The following CALN1 variants were observed in gnomAD, a reference collection of about 807,000 sequenced individuals.
CALN1 encodes calneuron 1.
Under a neutral mutation model 30.6 loss-of-function variants are expected in CALN1, and 17 were observed. That is an observed-to-expected ratio of 0.56 (90% confidence interval 0.38 to 0.83). The LOEUF (loss-of-function observed/expected upper bound fraction) is 0.83, where lower values mean the gene tolerates loss of function less well. Among genes scored for constraint, CALN1 ranks in the 40% least tolerant of loss-of-function variants. The probability of loss-of-function intolerance (pLI) is 0.00; values close to 1 mark genes in which losing one functional copy is unlikely to be tolerated. For missense variants in CALN1, 291 were observed against 354.9 expected (o/e 0.82, Z 1.45); for synonymous variants, 156 against 131.4 (o/e 1.19, Z -1.28).
chr7:71,789,652 A>G (rs1793201154), intron 6 of CALN1, among the ~76,000 whole-genome samples: 1 of 152,110 alleles, frequency 6.6e-6, no homozygotes. Flanking sequence ...CCACGGCCCC[A>G]CAGGGTTTAC....
intron 3 of CALN1, among the ~76,000 whole-genome samples, chr7:72,234,335 C>G (rs1427886352): frequency 1.3e-5 from 2 of 152,132 alleles, no homozygotes; most frequent in African/African-American, 4.8e-5. Context: ...AAAGTACCTC[C>G]CACAGTCTAG....
chr7:71,958,812 T>C (rs1367581967), intron 5 of CALN1, among the ~76,000 whole-genome samples: 1 of 152,206 alleles, frequency 6.6e-6, no homozygotes, highest in East Asian at 1.9e-4. Flanking sequence ...CAGCTCCTCC[T>C]GCACTGTGAG....
At chr7:71,945,926 G>T (rs1028788684) in intron 5 of CALN1, among the ~76,000 whole-genome samples, 3 of 152,226 alleles carry the variant, frequency 2.0e-5, no homozygotes, top group Non-Finnish European at 4.4e-5. Flanking sequence ...TGCCAAAAAG[G>T]TTGGGGACCG....
chr7:72,083,763 A>C, intron 4 of CALN1, among the ~76,000 whole-genome samples: 1 of 152,126 alleles, frequency 6.6e-6, no homozygotes. Flanking sequence ...TACTAAAAAT[A>C]CAAAAATTAG....
intron 4 of CALN1, among the ~76,000 whole-genome samples, chr7:72,078,707 G>T (rs1181584707): frequency 6.6e-6 from 1 of 152,098 alleles, no homozygotes; most frequent in Non-Finnish European, 1.5e-5. Context: ...TCACCAAGGC[G>T]GGCAGACCAC....
chr7:72,092,563 T>C (rs1390355066), intron 4 of CALN1, among the ~76,000 whole-genome samples: 1 of 149,700 alleles, frequency 6.7e-6, no homozygotes, highest in East Asian at 2.0e-4. Context: ...TTCGCCCTTC[T>C]TCATGGTACT....
chr7:72,290,380 C>G (rs1798396153), intron 2 of CALN1, among the ~76,000 whole-genome samples: 1 of 152,178 alleles, frequency 6.6e-6, no homozygotes, highest in East Asian at 1.9e-4. Flanking sequence ...CCCCAGATCA[C>G]AGCTCTAGGG....
chr7:71,834,403 G>C (rs1324015687), intron 5 of CALN1, among the ~76,000 whole-genome samples: 1 of 148,516 alleles, frequency 6.7e-6, no homozygotes, highest in African/African-American at 2.5e-5. Flanking sequence ...TTGAGCCCAG[G>C]CTGAGTGAAG....
chr7:71,849,630 T>C (rs1283311839), intron 5 of CALN1, among the ~76,000 whole-genome samples: 1 of 152,150 alleles, frequency 6.6e-6, no homozygotes, highest in Non-Finnish European at 1.5e-5. Context: ...AGAAAAGGTC[T>C]TCTATATTAT....
chr7:72,499,867 T>C, the CALN1 span, among the ~76,000 whole-genome samples: 6,418 of 71,772 alleles, frequency 0.089, 1,073 homozygotes, highest in African/African-American at 0.16. Flanking sequence ...CTTTCTTTCT[T>C]TCTTTCTTTC....
intron 1 of CALN1, among the ~76,000 whole-genome samples, chr7:72,424,613 TA>T (rs1807738087): frequency 6.6e-6 from 1 of 152,144 alleles, no homozygotes; most frequent in East Asian, 1.9e-4. Flanking sequence ...TATTTTTTTT[TA>T]GAGAACGTGT....
intron 4 of CALN1, among the ~76,000 whole-genome samples, chr7:72,093,127 A>C (rs1454102068): frequency 1.3e-5 from 2 of 152,168 alleles, no homozygotes; most frequent in African/African-American, 4.8e-5. Flanking sequence ...ATATTTAAAA[A>C]ATTCTTCCTC....
At chr7:72,267,793 G>A (rs1796693489) in intron 3 of CALN1, among the ~76,000 whole-genome samples, 2 of 152,216 alleles carry the variant, frequency 1.3e-5, no homozygotes, top group African/African-American at 4.8e-5. Flanking sequence ...GATTGCTTGA[G>A]GCCAGGAGTT....
intron 1 of CALN1, among the ~76,000 whole-genome samples, chr7:72,437,439 T>C (rs1808195701): frequency 6.6e-6 from 1 of 152,126 alleles, no homozygotes; most frequent in East Asian, 1.9e-4. Flanking sequence ...AGGGCTGTTT[T>C]AGCTTCAAAA....
intron 2 of CALN1, among the ~76,000 whole-genome samples, chr7:72,323,952 G>C (rs1019044502): frequency 1.3e-5 from 2 of 151,836 alleles, no homozygotes; most frequent in African/African-American, 4.8e-5. Context: ...GCTGAGGCAG[G>C]AGGATCACTT....
At chr7:72,336,653 G>GAA in intron 2 of CALN1, 1 of 978,726 alleles carries the variant, frequency 1.0e-6, no homozygotes. Context: ...GAGGGAAGAA[G>GAA]AAAAGAGAGC....
chr7:72,073,726 T>G (rs953370548), intron 4 of CALN1, among the ~76,000 whole-genome samples: 2 of 146,844 alleles, frequency 1.4e-5, no homozygotes, highest in Middle Eastern at 3.4e-3. Flanking sequence ...CAGGATCTCA[T>G]TCTGTCACCC....
At chr7:71,900,506 A>G (rs1336945317) in intron 5 of CALN1, among the ~76,000 whole-genome samples, 1 of 152,252 alleles carries the variant, frequency 6.6e-6, no homozygotes, top group African/African-American at 2.4e-5. Context: ...GCAGTTCTAT[A>G]CACCACTAAC....
intron 2 of CALN1, among the ~76,000 whole-genome samples, chr7:72,308,379 G>GAA (rs1223357286): frequency 1.4e-4 from 6 of 42,350 alleles, no homozygotes; most frequent in Non-Finnish European, 3.1e-4. Context: ...GGGGGAGAGA[G>GAA]AGAGAGAGAG....
Sources: allele counts gnomAD v4.1 joint callset (sites outside exome capture counted in the v4.1 genomes callset), GRCh38; gene constraint gnomAD v4.1.1; transcripts MANE v1.5; gene names NCBI Gene and HGNC (gene_info 2026-07-23, HGNC 2026-07-21).